SORCS1: variants seen among roughly 807,000 people sequenced by gnomAD.
The protein encoded by SORCS1 is VPS10 domain-containing receptor SorCS1.
A neutral mutation model predicts 146.1 loss-of-function variants in SORCS1; 60 were observed. The ratio of observed to expected loss-of-function variants is 0.41; its 90% confidence interval spans 0.33 to 0.51. The LOEUF (loss-of-function observed/expected upper bound fraction) is 0.51, where lower values mean the gene tolerates loss of function less well. SORCS1 is among the 20% of genes least tolerant of loss of function. The pLI is 0.21. For missense variants in SORCS1, 1,352 were observed against 1,487.6 expected (o/e 0.91, Z 1.50); for synonymous variants, 637 against 584.0 (o/e 1.09, Z -1.31).
intron 1 of SORCS1, among the ~76,000 whole-genome samples, chr10:107,147,720 T>TA (rs2134780097): frequency 6.6e-6 from 1 of 152,318 alleles, no homozygotes; most frequent in African/African-American, 2.4e-5. Flanking sequence ...TATATTGCTT[T>TA]AGTGTCCTGA....
chr10:106,615,228 C>A (rs967582849), intron 21 of SORCS1, among the ~76,000 whole-genome samples: 1 of 152,178 alleles, frequency 6.6e-6, no homozygotes, highest in African/African-American at 2.4e-5. Flanking sequence ...TCTCAAGGAC[C>A]TGGGAGCCAT....
At chr10:106,718,541 A>C (rs368944865) in intron 6 of SORCS1, among the ~76,000 whole-genome samples, 1 of 152,238 alleles carries the variant, frequency 6.6e-6, no homozygotes, top group South Asian at 2.1e-4. Context: ...CAGCTCATAA[A>C]GGTAATGCAG....
the SORCS1 span, among the ~76,000 whole-genome samples, chr10:107,181,095 T>TTAG: frequency 6.6e-6 from 1 of 152,140 alleles, no homozygotes; most frequent in Non-Finnish European, 1.5e-5. Flanking sequence ...TGGAACTCGT[T>TTAG]TAGGTGAATC....
intron 1 of SORCS1, among the ~76,000 whole-genome samples, chr10:107,152,751 T>C (rs1968928757): frequency 6.6e-6 from 1 of 152,214 alleles, no homozygotes; most frequent in African/African-American, 2.4e-5. Context: ...TAAACCTCTT[T>C]CCTTTAAAAA....
intron 1 of SORCS1, among the ~76,000 whole-genome samples, chr10:107,082,747 G>T (rs929004003): frequency 3.9e-5 from 6 of 152,150 alleles, no homozygotes; most frequent in Non-Finnish European, 7.4e-5. Flanking sequence ...AAAGTGCTGG[G>T]ATTACAGGTG....
At chr10:107,132,624 A>G (rs1430749382) in intron 1 of SORCS1, among the ~76,000 whole-genome samples, 1 of 152,160 alleles carries the variant, frequency 6.6e-6, no homozygotes, top group Non-Finnish European at 1.5e-5. Context: ...GGCTAAGCAA[A>G]TTAATACTGT....
chr10:106,717,310 G>A (rs1022411227), intron 6 of SORCS1, among the ~76,000 whole-genome samples: 2 of 152,146 alleles, frequency 1.3e-5, no homozygotes, highest in South Asian at 2.1e-4. Flanking sequence ...GTGTCAACAC[G>A]CTGCTGTTCA....
rs149913668 is a variant in SORCS1, at chr10:107,065,579, G to A, written c.558+98390C>T. Among the ~76,000 whole-genome samples the A allele has an allele frequency of 1.4e-4, 20 of 143,530 alleles. 1 individual carries two copies. Among genetic ancestry groups the A allele is most frequent in the African/African-American group, 3.5e-4 (13 of 36,902 alleles). The allele number at this position is 143,530 out of a possible 152,430, so 94.2% of individuals were successfully genotyped here. On this transcript the variant is annotated intron_variant, in intron 1 of 25. Coordinates refer to ENST00000263054, the MANE Select transcript of SORCS1 (RefSeq NM_052918.5). The stretch of plus-strand genomic sequence containing the variant: ...GTCACCCAGGCTAGAGTGCAGTGGC[G>A]TGATCTCAACTCACTGCAACTTTCG...
At chr10:106,643,085 C>T (rs1849177736) in intron 18 of SORCS1, among the ~76,000 whole-genome samples, 1 of 152,144 alleles carries the variant, frequency 6.6e-6, no homozygotes, top group Admixed American at 6.5e-5. Flanking sequence ...AGAGAAGCAA[C>T]AGAAAGACAA....
the SORCS1 span, among the ~76,000 whole-genome samples, chr10:107,172,082 G>A: frequency 2.0e-5 from 3 of 152,102 alleles, no homozygotes; most frequent in Non-Finnish European, 4.4e-5. Flanking sequence ...TCAGTTCATT[G>A]TTAAACTGGT....
At chr10:106,756,272 C>T (rs1209163016) in intron 5 of SORCS1, among the ~76,000 whole-genome samples, 1 of 152,078 alleles carries the variant, frequency 6.6e-6, no homozygotes, top group Non-Finnish European at 1.5e-5. Context: ...ATAATATTAA[C>T]ACTGGTAGCC....
At chr10:107,073,798 T>C (rs977537912) in intron 1 of SORCS1, among the ~76,000 whole-genome samples, 29 of 152,106 alleles carry the variant, frequency 1.9e-4, no homozygotes, top group African/African-American at 6.0e-4. Flanking sequence ...TGTGGCACTA[T>C]GGACACCAGT....
At chr10:106,593,027 T>A (rs1339352164) in intron 24 of SORCS1, among the ~76,000 whole-genome samples, 1 of 151,226 alleles carries the variant, frequency 6.6e-6, no homozygotes, top group Admixed American at 6.6e-5. Context: ...TGGTCCCAGC[T>A]ACTTGGGAGG....
intron 3 of SORCS1, among the ~76,000 whole-genome samples, chr10:106,825,681 T>G (rs7921257): frequency 0.07 from 10,590 of 152,066 alleles, 870 homozygotes; most frequent in East Asian, 0.23. Flanking sequence ...ACAGCAGACT[T>G]TATGTGACCA....
chr10:107,061,313 T>C (rs888732854), intron 1 of SORCS1, among the ~76,000 whole-genome samples: 1 of 152,158 alleles, frequency 6.6e-6, no homozygotes, highest in Non-Finnish European at 1.5e-5. Flanking sequence ...AACATTAGTA[T>C]GGTATCATAA....
intron 15 of SORCS1, among the ~76,000 whole-genome samples, chr10:106,672,447 G>C (rs899745738): frequency 6.6e-6 from 1 of 152,140 alleles, no homozygotes; most frequent in Non-Finnish European, 1.5e-5. Context: ...GGGGAAGAAG[G>C]ATTTCTCCGG....
At chr10:107,072,769 A>C (rs1294939934) in intron 1 of SORCS1, among the ~76,000 whole-genome samples, 1 of 149,952 alleles carries the variant, frequency 6.7e-6, no homozygotes, top group Non-Finnish European at 1.5e-5. Context: ...AGAACCACCG[A>C]GATAACAAGA....
chr10:106,987,099 A>T (rs1956513186), intron 1 of SORCS1, among the ~76,000 whole-genome samples: 1 of 151,840 alleles, frequency 6.6e-6, no homozygotes, highest in Admixed American at 6.6e-5. Flanking sequence ...TAATTTTTTC[A>T]CTCCTAATAG....
chr10:106,985,538 GC>G (rs1956432158), intron 1 of SORCS1, among the ~76,000 whole-genome samples: 1 of 148,488 alleles, frequency 6.7e-6, no homozygotes, highest in African/African-American at 2.5e-5. Flanking sequence ...TTTCACTTAA[GC>G]TTTTTTTTTT....
Sources: allele counts gnomAD v4.1 joint callset (sites outside exome capture counted in the v4.1 genomes callset), GRCh38; gene constraint gnomAD v4.1.1; transcripts MANE v1.5; gene names NCBI Gene and HGNC (gene_info 2026-07-23, HGNC 2026-07-21).